Variants in NXPE2 observed in about 807,000 individuals in gnomAD.
NXPE2 encodes neurexophilin and PC-esterase domain family member 2.
A neutral mutation model predicts 34.4 loss-of-function variants in NXPE2; 34 were observed. The ratio of observed to expected loss-of-function variants is 0.99; its 90% CI spans 0.75 to 1.31. The LOEUF (loss-of-function observed/expected upper bound fraction) is 1.31, where lower values mean the gene tolerates loss of function less well. NXPE2 is among the 40% of genes most tolerant of loss of function. The pLI is 0.00. For missense variants in NXPE2, 649 were observed against 672.5 expected (o/e 0.97, Z 0.39); for synonymous variants, 235 against 231.3 (o/e 1.02, Z -0.15).
the NXPE2 span, among the ~76,000 whole-genome samples, chr11:114,627,138 G>A: frequency 3.3e-5 from 5 of 151,850 alleles, no homozygotes; most frequent in African/African-American, 4.8e-5. Context: ...AGCAAGGCAG[G>A]CCAACGTTCA....
At chr11:114,772,566 C>T in the NXPE2 span, among the ~76,000 whole-genome samples, 6 of 151,926 alleles carry the variant, frequency 3.9e-5, no homozygotes, top group Non-Finnish European at 5.9e-5. Context: ...GTTAATTTGC[C>T]CATGTAGGAC....
At chr11:114,712,153 G>A in the NXPE2 span, among the ~76,000 whole-genome samples, 2 of 152,126 alleles carry the variant, frequency 1.3e-5, no homozygotes, top group African/African-American at 4.8e-5. Context: ...TTTTGGCTAA[G>A]ATCAAGTGAA....
At chr11:114,567,905 G>T in the NXPE2 span, among the ~76,000 whole-genome samples, 1 of 151,912 alleles carries the variant, frequency 6.6e-6, no homozygotes, top group African/African-American at 2.4e-5. Flanking sequence ...AGCTCCAAGG[G>T]CTATATGTCA....
At chr11:114,564,771 C>T in the NXPE2 span, among the ~76,000 whole-genome samples, 1 of 152,104 alleles carries the variant, frequency 6.6e-6, no homozygotes, top group Non-Finnish European at 1.5e-5. Context: ...ATATATGTTT[C>T]ATATGATCTT....
the NXPE2 span, among the ~76,000 whole-genome samples, chr11:114,673,507 G>A: frequency 6.6e-6 from 1 of 151,098 alleles, no homozygotes; most frequent in African/African-American, 2.4e-5. Flanking sequence ...TAGAAAAACA[G>A]GACAGAAAAA....
intron 4 of NXPE2, among the ~76,000 whole-genome samples, chr11:114,704,700 G>A (rs929973473): frequency 2.6e-5 from 4 of 152,138 alleles, no homozygotes; most frequent in African/African-American, 4.8e-5. Flanking sequence ...AGGTCCTACT[G>A]TACAAAGAAA....
At chr11:114,775,878 ACG>A in the NXPE2 span, among the ~76,000 whole-genome samples, 35 of 66,126 alleles carry the variant, frequency 5.3e-4, no homozygotes, top group East Asian at 0.03. Flanking sequence ...AAACAAAAAA[ACG>A]AAAAAAAAAA....
the NXPE2 span, among the ~76,000 whole-genome samples, chr11:114,787,834 G>A: frequency 1.3e-5 from 2 of 152,102 alleles, no homozygotes; most frequent in South Asian, 2.1e-4. Context: ...CCCTCTGCCC[G>A]TGTCCATCCC....
chr11:114,617,889 G>A, the NXPE2 span, among the ~76,000 whole-genome samples: 833 of 152,042 alleles, frequency 5.5e-3, 2 homozygotes, highest in African/African-American at 0.017. Flanking sequence ...CTTACCTGGC[G>A]GATAATAAGT....
the NXPE2 span, among the ~76,000 whole-genome samples, chr11:114,614,686 G>A: frequency 7.3e-5 from 11 of 151,630 alleles, no homozygotes; most frequent in East Asian, 3.9e-4. Flanking sequence ...GTGTTGCCTC[G>A]TGGGTAACCA....
At chr11:114,657,481 T>C in the NXPE2 span, among the ~76,000 whole-genome samples, 2 of 152,232 alleles carry the variant, frequency 1.3e-5, no homozygotes, top group Admixed American at 1.3e-4. Flanking sequence ...CATATCATGC[T>C]ACAATTTTTG....
the NXPE2 span, among the ~76,000 whole-genome samples, chr11:114,494,067 G>A: frequency 6.6e-6 from 1 of 152,156 alleles, no homozygotes; most frequent in Non-Finnish European, 1.5e-5. Context: ...TCTGCTGCCA[G>A]ACATATTAGA....
the NXPE2 span, among the ~76,000 whole-genome samples, chr11:114,647,972 T>G: frequency 6.6e-6 from 1 of 152,166 alleles, no homozygotes; most frequent in African/African-American, 2.4e-5. Context: ...AGTTCTGGGA[T>G]TACAGGCATG....
At chr11:114,720,924 C>CT in the NXPE2 span, among the ~76,000 whole-genome samples, 1 of 152,220 alleles carries the variant, frequency 6.6e-6, no homozygotes, top group East Asian at 1.9e-4. Flanking sequence ...GCAGTTACCA[C>CT]TTTTTTCCCT....
chr11:114,489,448 A>G, the NXPE2 span, among the ~76,000 whole-genome samples: 1 of 152,258 alleles, frequency 6.6e-6, no homozygotes, highest in Non-Finnish European at 1.5e-5. Flanking sequence ...CATTGATGCA[A>G]AAATCTTCAA....
the NXPE2 span, among the ~76,000 whole-genome samples, chr11:114,724,202 C>T: frequency 2.6e-5 from 4 of 152,248 alleles, no homozygotes; most frequent in East Asian, 7.7e-4. Flanking sequence ...AAGGGTGAGC[C>T]AGATCTGAGA....
At chr11:114,740,909 A>T in the NXPE2 span, among the ~76,000 whole-genome samples, 1 of 152,208 alleles carries the variant, frequency 6.6e-6, no homozygotes, top group Admixed American at 6.5e-5. Context: ...CTCCTTAATC[A>T]TCAAATAATG....
chr11:114,523,851 A>G, the NXPE2 span, among the ~76,000 whole-genome samples: 19 of 152,356 alleles, frequency 1.2e-4, 1 homozygote, highest in Admixed American at 9.8e-4. Flanking sequence ...AGGATTTGTT[A>G]TATCAGGACT....
chr11:114,607,255 G>A, the NXPE2 span, among the ~76,000 whole-genome samples: 66 of 151,946 alleles, frequency 4.3e-4, no homozygotes, highest in Admixed American at 3.7e-3. Context: ...TGGATAATAC[G>A]TGTTGCCTCA....
Sources: allele counts gnomAD v4.1 joint callset (sites outside exome capture counted in the v4.1 genomes callset), GRCh38; gene constraint gnomAD v4.1.1; transcripts MANE v1.5; gene names NCBI Gene and HGNC (gene_info 2026-07-23, HGNC 2026-07-21).